SNAP25: variants seen among roughly 807,000 people sequenced by gnomAD.
SNAP25 encodes synaptosome associated protein 25.
SNAP25 carries 3 observed loss-of-function variants against 28.7 expected under a neutral mutation model. The ratio of observed to expected loss-of-function variants is 0.10; its 90% CI spans 0.05 to 0.27. The LOEUF is 0.27. SNAP25 is among the 10% of genes least tolerant of loss of function. The pLI is 1.00. For missense variants in SNAP25, 117 were observed against 278.7 expected (o/e 0.42, Z 4.13); for synonymous variants, 61 against 88.1 (o/e 0.69, Z 1.72).
chr20:10,257,485 G>A (rs1316624521), intron 1 of SNAP25, among the ~76,000 whole-genome samples: 2 of 152,128 alleles, frequency 1.3e-5, no homozygotes, highest in Admixed American at 6.6e-5. Context: ...GGCCGAGGCG[G>A]GCGGATCACC....
chr20:10,260,132 T>C (rs2063385986), intron 1 of SNAP25, among the ~76,000 whole-genome samples: 1 of 152,224 alleles, frequency 6.6e-6, no homozygotes, highest in South Asian at 2.1e-4. Flanking sequence ...CCTTAGAGTC[T>C]GTTGCAAATT....
chr20:10,271,288 G>C (rs2063586784), intron 1 of SNAP25, among the ~76,000 whole-genome samples: 1 of 152,162 alleles, frequency 6.6e-6, no homozygotes, highest in Non-Finnish European at 1.5e-5. Context: ...TAACATGCAT[G>C]AGTTTGGGGT....
chr20:10,295,601 A>G (rs1050252075), intron 5 of SNAP25, among the ~76,000 whole-genome samples: 3 of 152,152 alleles, frequency 2.0e-5, no homozygotes, highest in Non-Finnish European at 4.4e-5. Context: ...CTTGGCCCCC[A>G]GTCTGCAAGT....
chr20:10,241,302 G>C (rs1201980623), intron 1 of SNAP25, among the ~76,000 whole-genome samples: 1 of 152,102 alleles, frequency 6.6e-6, no homozygotes, highest in African/African-American at 2.4e-5. Context: ...CCGTACCCCA[G>C]CTGCTCATCA....
intron 1 of SNAP25, among the ~76,000 whole-genome samples, chr20:10,247,886 C>T (rs561799321): frequency 2.0e-5 from 3 of 152,170 alleles, no homozygotes; most frequent in South Asian, 4.1e-4. Flanking sequence ...CTCATGATTC[C>T]ATAAGTCAGC....
chr20:10,296,160 G>A (rs574998966), intron 5 of SNAP25: 8 of 152,296 alleles, frequency 5.3e-5, no homozygotes, highest in African/African-American at 1.7e-4. Flanking sequence ...AAGACGTAGA[G>A]GGGTTTCCCT....
intron 1 of SNAP25, among the ~76,000 whole-genome samples, chr20:10,228,926 A>G (rs2062778879): frequency 6.6e-6 from 1 of 152,166 alleles, no homozygotes; most frequent in Non-Finnish European, 1.5e-5. Flanking sequence ...CATGCATAAT[A>G]AAATGGGGAA....
In SNAP25 at chr20:10,293,334, T is replaced by G. The variant is rs2064038949; in HGVS notation, c.281+56T>G. 2 of 1,369,706 alleles carry G rather than the reference T, an allele frequency of 1.5e-6. No homozygotes were observed. Among genetic ancestry groups the G allele is most frequent in the African/African-American group, 2.8e-5 (2 of 70,336 alleles). The allele number at this position is 1,369,706 out of a possible 1,614,324, so 84.8% of individuals were successfully genotyped here. ...ATTTCCCAAGGCCCATCTCCAAGCC[T>G]TGACAAGCTCATTCCTGCCAAGCTC... On this transcript the variant is annotated intron_variant, in intron 5 of 7. Transcript: ENST00000254976. This position sits in a 1 kb window ranked among gnomAD's most constrained non-coding sequence, Gnocchi z 5.6.
At chr20:10,252,758 CTT>C (rs56654069) in intron 1 of SNAP25, among the ~76,000 whole-genome samples, 72 of 133,786 alleles carry the variant, frequency 5.4e-4, no homozygotes, top group African/African-American at 7.3e-4. Context: ...ATTTTCTCAT[CTT>C]TTTTTTTTTT....
intron 1 of SNAP25, among the ~76,000 whole-genome samples, chr20:10,254,800 G>T (rs569271010): frequency 6.6e-6 from 1 of 152,152 alleles, no homozygotes; most frequent in Non-Finnish European, 1.5e-5. Context: ...TACCTGCCTC[G>T]GGTCTGGAAA....
At chr20:10,221,172 G>C (rs974340478) in intron 1 of SNAP25, among the ~76,000 whole-genome samples, 1 of 152,184 alleles carries the variant, frequency 6.6e-6, no homozygotes, top group Non-Finnish European at 1.5e-5. Flanking sequence ...TGCGTCAAAT[G>C]AAAAGCCTAA....
At chr20:10,223,530 T>C (rs1406302966) in intron 1 of SNAP25, among the ~76,000 whole-genome samples, 1 of 151,976 alleles carries the variant, frequency 6.6e-6, no homozygotes, top group Non-Finnish European at 1.5e-5. Context: ...AACTTAGAGG[T>C]AGTGACATTT....
intron 1 of SNAP25, among the ~76,000 whole-genome samples, chr20:10,238,155 T>C (rs3025856): frequency 0.17 from 25,688 of 151,872 alleles, 4,201 homozygotes; most frequent in African/African-American, 0.43. Flanking sequence ...CACCCACCCA[T>C]GATCTGGTCT....
At chr20:10,277,657 T>C in intron 2 of SNAP25, 28 bp from the exon 3 acceptor site, 1 of 1,606,816 alleles carries the variant, frequency 6.2e-7, no homozygotes, top group Non-Finnish European at 8.5e-7. Context: ...CTCATAAAGT[T>C]TATGTTTGTT....
In SNAP25 at chr20:10,279,481, G is replaced by A. The variant is rs116221122; in HGVS notation, c.114+1755G>A. On this transcript the variant is annotated intron_variant, in intron 3 of 7. Coordinates refer to ENST00000254976, the MANE Select transcript of SNAP25 (RefSeq NM_130811.4). ...TTGCCTGCCTGTGCAATGTTGAAAT[G>A]CTGCCTAGACTGTGGAAAGGAGCAA... Among the ~76,000 whole-genome samples the A allele has an allele frequency of 7.8e-3, 1,193 of 152,252 alleles. 20 individuals carry two copies. The highest frequency in any genetic ancestry group is 0.027 in the African/African-American group (1,117 of 41,540).
At chr20:10,248,335 T>C (rs961782736) in intron 1 of SNAP25, among the ~76,000 whole-genome samples, 5 of 152,198 alleles carry the variant, frequency 3.3e-5, no homozygotes, top group Non-Finnish European at 7.3e-5. Context: ...ATGCAAATTA[T>C]TTTATAGTGT....
At chr20:10,224,788 T>C (rs1336121475) in intron 1 of SNAP25, among the ~76,000 whole-genome samples, 7 of 152,002 alleles carry the variant, frequency 4.6e-5, no homozygotes, top group Admixed American at 3.9e-4. Context: ...CCTGTCCTTC[T>C]CAATCAGATT....
rs146434642 is a variant in SNAP25 at position 10,250,788 on chromosome 20, C to T, written c.-63-24641C>T. Reference sequence around the variant, plus strand: ...TGGGTGGTCCCATAAGATAAGAATACCAGATTATTACTGTACCTTTTCCAA... The same window carrying T: ...TGGGTGGTCCCATAAGATAAGAATATCAGATTATTACTGTACCTTTTCCAA... On this transcript the variant is annotated intron_variant, in intron 1 of 7. Transcript: ENST00000254976. Among the ~76,000 whole-genome samples, 216 of 152,254 alleles carry T rather than the reference C, an allele frequency of 1.4e-3. 3 individuals carry two copies. Among genetic ancestry groups the T allele is most frequent in the Admixed American group, 3.9e-3 (60 of 15,284 alleles).
intron 3 of SNAP25, among the ~76,000 whole-genome samples, chr20:10,278,744 A>G (rs1038433412): frequency 2.6e-5 from 4 of 152,068 alleles, no homozygotes; most frequent in Non-Finnish European, 5.9e-5. Flanking sequence ...GATAAATTTT[A>G]CAAAGGATAA....
Sources: allele counts gnomAD v4.1 joint callset (sites outside exome capture counted in the v4.1 genomes callset), GRCh38; gene constraint gnomAD v4.1.1; non-coding constraint Gnocchi (gnomAD v3.1); transcripts MANE v1.5; gene names NCBI Gene and HGNC (gene_info 2026-07-23, HGNC 2026-07-21).